Variants in KIF20B observed in about 807,000 individuals in gnomAD.
KIF20B encodes kinesin family member 20B, also known as kinesin-like protein KIF20B.
A neutral mutation model predicts 232.5 loss-of-function variants in KIF20B; 188 were observed. That is an observed-to-expected ratio of 0.81 (90% CI 0.72 to 0.91). The LOEUF is 0.91. Ranked by LOEUF, KIF20B falls within the 40% of genes least tolerant of loss-of-function variation. The probability of loss-of-function intolerance (pLI) is 0.00; values close to 1 mark genes in which losing one functional copy is unlikely to be tolerated. For missense variants in KIF20B, 2,154 were observed against 2,055.9 expected (o/e 1.05, Z -0.92); for synonymous variants, 712 against 683.0 (o/e 1.04, Z -0.66).
chr10:89,724,569 G>C (rs111919014), intron 14 of KIF20B, among the ~76,000 whole-genome samples: 20 of 152,160 alleles, frequency 1.3e-4, no homozygotes, highest in African/African-American at 4.6e-4. Flanking sequence ...CTAATCCCAT[G>C]CATGGTTATT....
intron 13 of KIF20B, 141 bp from the exon 14 acceptor site, chr10:89,723,823 A>T (rs1403714634): frequency 7.2e-5 from 52 of 724,118 alleles, no homozygotes; most frequent in Non-Finnish European, 9.2e-5. Context: ...TATAATTTTC[A>T]GTGAGAACAT....
rs149649245 is a variant in KIF20B at position 89,743,810 on chromosome 10, A to G, written c.3918A>G (p.Val1306=). 3.5e-6 allele frequency: 5 copies of G among 1,441,654 alleles called. No individual in the cohort carries two copies. The African/African-American group carries it at 5.9e-5, about 17-fold the overall frequency. The allele number at this position is 1,441,654 out of a possible 1,614,324, so 89.3% of individuals were successfully genotyped here. ...KKQIKQVQKE[V]SVMRDEDKLL... is the part of the protein sequence containing the mutation. Reference sequence around the variant, plus strand: ...GTTTTATAAACATTATTTTGTAGGTATCTGTAATGCGTGATGAGGATAAAT... The same window carrying G: ...GTTTTATAAACATTATTTTGTAGGTGTCTGTAATGCGTGATGAGGATAAAT... The change falls in exon 22 of 33, where the codon GTA becomes GTG. Residue 1306 remains valine, a splice_region_variant and synonymous_variant. Coordinates refer to ENST00000371728, the MANE Select transcript of KIF20B (RefSeq NM_001284259.2).
rs369935340 is a variant in KIF20B, at chr10:89,762,885, G to C, written c.4989+50G>C. On this transcript the variant is annotated intron_variant, in intron 29 of 32. Transcript: ENST00000371728. The stretch of plus-strand genomic sequence containing the variant: ...TTTAATGAACAAATCTTATTATAAA[G>C]CTGTTATAGTATAGAGTTAAACTGC... 1.8e-4 allele frequency: 250 copies of C among 1,359,128 alleles called. 2 individuals are homozygous for C. Among genetic ancestry groups the C allele is most frequent in the South Asian group, 1.8e-3 (143 of 81,556 alleles). 84.2% of individuals were successfully genotyped at this position (1,359,128 alleles called of 1,614,324 possible).
intron 25 of KIF20B, 34 bp from the exon 26 acceptor site, chr10:89,754,484 A>G: frequency 7.2e-7 from 1 of 1,398,590 alleles, no homozygotes; most frequent in Non-Finnish European, 9.5e-7. Flanking sequence ...CTTTGTAGGC[A>G]TGCGATAATA....
rs1554849083 is a variant in KIF20B at position 89,714,036 on chromosome 10, C to T, written c.676-11C>T. ...TGTTTTTTTAATTTTTTAAAACAAT[C>T]TTTTTTTTAGGTTACTGTGCATAAT... is the stretch of plus-strand genomic sequence containing the variant. On this transcript the variant is annotated splice_polypyrimidine_tract_variant and intron_variant, in intron 6 of 32. Coordinates refer to ENST00000371728, the MANE Select transcript of KIF20B (RefSeq NM_001284259.2). The T allele has an allele frequency of 1.5e-6, 2 of 1,348,178 alleles. No homozygotes were observed. The highest frequency in any genetic ancestry group is 2.0e-6 in the Non-Finnish European group (2 of 994,998). The allele number at this position is 1,348,178 out of a possible 1,614,324, so 83.5% of individuals were successfully genotyped here. A position where few individuals can be genotyped will look rare whatever the true frequency, so the allele number is the denominator to read the frequency against.
chr10:89,772,688 G>A lies in KIF20B; in HGVS notation c.5243-1G>A. 3 of 1,545,868 alleles carry A rather than the reference G, an allele frequency of 1.9e-6. No individual in the cohort carries two copies. The highest frequency in any genetic ancestry group is 1.8e-6 in the Non-Finnish European group (2 of 1,139,804). On this transcript the variant is annotated splice_acceptor_variant, in intron 31 of 32. Transcript: ENST00000371728. LOFTEE classifies it high-confidence loss of function. ...AACTAATTAACAATTTTATTTTATA[G>A]CAAAGAAGATAATTGAAACAATGAG...
At chr10:89,707,933 A>G (rs1220313683) in intron 2 of KIF20B, among the ~76,000 whole-genome samples, 1 of 152,138 alleles carries the variant, frequency 6.6e-6, no homozygotes, top group Non-Finnish European at 1.5e-5. Context: ...CTCTTCATTT[A>G]TTCTTTTAAT....
intron 23 of KIF20B, among the ~76,000 whole-genome samples, chr10:89,747,063 A>C (rs1841927151): frequency 6.6e-6 from 1 of 152,232 alleles, no homozygotes; most frequent in East Asian, 1.9e-4. Context: ...ATATCTTTAA[A>C]ATTAAAATGT....
intron 5 of KIF20B, among the ~76,000 whole-genome samples, chr10:89,710,299 A>G (rs947187942): frequency 1.3e-5 from 2 of 148,674 alleles, no homozygotes; most frequent in African/African-American, 5.0e-5. Context: ...TCAGCTCACT[A>G]CAACCTCTGC....
intron 26 of KIF20B, 119 bp downstream of exon 26, chr10:89,754,792 T>C (rs1231194830): frequency 3.1e-6 from 2 of 651,534 alleles, no homozygotes; most frequent in Non-Finnish European, 4.8e-6. Context: ...AGGCAGGTTG[T>C]CATCTTTATA....
chr10:89,723,678 G>C (rs965560256), intron 13 of KIF20B: 2 of 180,758 alleles, frequency 1.1e-5, no homozygotes, highest in African/African-American at 4.7e-5. Flanking sequence ...AGTAGTTCTT[G>C]ATAGATAATA....
intron 22 of KIF20B, among the ~76,000 whole-genome samples, chr10:89,744,937 A>T (rs978527286): frequency 1.3e-5 from 2 of 152,244 alleles, no homozygotes; most frequent in South Asian, 4.1e-4. Context: ...GGATTACATG[A>T]TAAGTTACAA....
At chr10:89,704,788 G>A (rs1259181509) in intron 1 of KIF20B, among the ~76,000 whole-genome samples, 2 of 152,014 alleles carry the variant, frequency 1.3e-5, no homozygotes, top group Non-Finnish European at 2.9e-5. Context: ...TGAACTCCTG[G>A]CCTCGTGATC....
intron 21 of KIF20B, among the ~76,000 whole-genome samples, chr10:89,740,466 T>TA (rs1354785804): frequency 5.3e-5 from 8 of 152,210 alleles, no homozygotes; most frequent in Admixed American, 5.2e-4. Context: ...CACTGTACAA[T>TA]AGTTCTCATG....
chr10:89,756,163 C>A (rs189941874), intron 26 of KIF20B, among the ~76,000 whole-genome samples: 4 of 152,154 alleles, frequency 2.6e-5, no homozygotes, highest in Admixed American at 1.3e-4. Context: ...CCTCATGTCA[C>A]ATGGTGTAAA....
chr10:89,743,993 G>A, intron 22 of KIF20B, 66 bp downstream of exon 22: 2 of 1,360,712 alleles, frequency 1.5e-6, no homozygotes, highest in Non-Finnish European at 2.0e-6. Context: ...TGTACAAAAA[G>A]GTACAAATTT....
chr10:89,746,072 G>A, intron 23 of KIF20B, 113 bp downstream of exon 23: 2 of 749,688 alleles, frequency 2.7e-6, no homozygotes, highest in Non-Finnish European at 4.6e-6. Flanking sequence ...AAACCCCTAG[G>A]GGGAGCATGC....
chr10:89,720,846 T>C (rs1272483234), intron 13 of KIF20B, among the ~76,000 whole-genome samples: 3 of 152,114 alleles, frequency 2.0e-5, no homozygotes, highest in Admixed American at 1.3e-4. Flanking sequence ...GCTGGGAGTA[T>C]AGGCATGCGT....
At chr10:89,746,268 T>C (rs1009572098) in intron 23 of KIF20B, among the ~76,000 whole-genome samples, 2 of 152,236 alleles carry the variant, frequency 1.3e-5, no homozygotes, top group African/African-American at 4.8e-5. Context: ...GAGGGCTTTC[T>C]GTATCCCGGG....
Sources: gnomAD v4.1 joint callset for allele counts (sites outside exome capture counted in the v4.1 genomes callset) on GRCh38, gnomAD v4.1.1 for gene constraint, MANE v1.5 for transcripts, NCBI Gene and HGNC (gene_info 2026-07-23, HGNC 2026-07-21) for gene names.